The following SUPT3H variants were observed in gnomAD, a reference collection of about 807,000 sequenced individuals.
The protein encoded by SUPT3H is transcription initiation protein SPT3 homolog.
SUPT3H carries 44 observed loss-of-function variants against 44.3 expected under a neutral mutation model. The ratio of observed to expected loss-of-function variants is 0.99; its 90% CI spans 0.78 to 1.28. The LOEUF (loss-of-function observed/expected upper bound fraction) is 1.28. Among genes scored for constraint, SUPT3H ranks in the 50% most tolerant of loss-of-function variants. The pLI is 0.00. For synonymous variants in SUPT3H, 124 were observed against 125.6 expected (o/e 0.99, Z 0.09); for missense variants, 380 against 387.1 (o/e 0.98, Z 0.15).
intron 2 of SUPT3H, among the ~76,000 whole-genome samples, chr6:45,258,118 AGAT>A (rs1773717257): frequency 6.6e-6 from 1 of 152,226 alleles, no homozygotes; most frequent in Non-Finnish European, 1.5e-5. Flanking sequence ...TTTCTGAAAT[AGAT>A]GATTCTGACG....
At chr6:45,217,301 C>G (rs906196119) in intron 2 of SUPT3H, among the ~76,000 whole-genome samples, 1 of 151,126 alleles carries the variant, frequency 6.6e-6, no homozygotes, top group Non-Finnish European at 1.5e-5. Flanking sequence ...ATGATGAAAC[C>G]CCATCTCTAC....
intron 2 of SUPT3H, among the ~76,000 whole-genome samples, chr6:45,300,362 A>G (rs1781956335): frequency 6.6e-6 from 1 of 152,226 alleles, no homozygotes; most frequent in Non-Finnish European, 1.5e-5. Flanking sequence ...GAGTTAGTTC[A>G]ATTTGAAAGA....
At chr6:45,210,922 G>A (rs1584274322) in intron 2 of SUPT3H, among the ~76,000 whole-genome samples, 2 of 152,046 alleles carry the variant, frequency 1.3e-5, no homozygotes. Context: ...TACAAGAATG[G>A]AAAAGAGAAG....
chr6:45,035,317 T>C (rs954009487), intron 3 of SUPT3H, among the ~76,000 whole-genome samples: 1 of 152,200 alleles, frequency 6.6e-6, no homozygotes, highest in Non-Finnish European at 1.5e-5. Flanking sequence ...GATGTAATGA[T>C]ACCTGCACTT....
rs572160837 is a variant in SUPT3H, at chr6:44,940,026, T to A, written c.802-7263A>T. On this transcript the variant is annotated intron_variant, in intron 9 of 10. Transcript: ENST00000371459. ...TTTTAATTTCCTTGATCTTTTGTATTTTTTTTTGTCTTTATTTTTATTTAG... is the reference window on the plus strand; with the variant it reads ...TTTTAATTTCCTTGATCTTTTGTATATTTTTTTGTCTTTATTTTTATTTAG... 2.3e-4 allele frequency among the ~76,000 whole-genome samples: 34 copies of A among 150,284 alleles called. No individual in the cohort carries two copies. In the South Asian group the frequency reaches 6.0e-3, roughly 27 times the overall value.
chr6:45,241,354 C>T (rs946381773), intron 2 of SUPT3H, among the ~76,000 whole-genome samples: 2 of 152,150 alleles, frequency 1.3e-5, no homozygotes, highest in South Asian at 4.1e-4. Flanking sequence ...CTGGCCCACC[C>T]AGGGCAGAAA....
chr6:45,012,315 T>C (rs1783601061), intron 5 of SUPT3H, among the ~76,000 whole-genome samples: 1 of 151,990 alleles, frequency 6.6e-6, no homozygotes, highest in South Asian at 2.1e-4. Flanking sequence ...TTAATGGTGC[T>C]CTACATTTCT....
In SUPT3H at chr6:45,375,838, AC is replaced by A. The variant is rs562517737; in HGVS notation, c.-1+1929del. 2.0e-3 allele frequency among the ~76,000 whole-genome samples: 300 copies of A among 152,152 alleles called. 1 individual carries two copies. The highest frequency in any genetic ancestry group is 6.6e-3 in the African/African-American group (275 of 41,520). ...TATACACTTGCTTTAAAAAAAAAAA[AC>A]AGATGCACATATTTCAAGTAAAGTA... On this transcript the variant is annotated intron_variant, in intron 1 of 10. Coordinates refer to ENST00000371459, the MANE Select transcript of SUPT3H (RefSeq NM_003599.4).
intron 2 of SUPT3H, among the ~76,000 whole-genome samples, chr6:45,246,153 T>C (rs1205217712): frequency 6.6e-6 from 1 of 152,142 alleles, no homozygotes; most frequent in Admixed American, 6.5e-5. Flanking sequence ...TTGGGAGTTC[T>C]TTATGTATTC....
chr6:45,307,465 T>C (rs1421514215), intron 2 of SUPT3H, among the ~76,000 whole-genome samples: 3 of 152,252 alleles, frequency 2.0e-5, no homozygotes, highest in East Asian at 1.9e-4. Flanking sequence ...TTCAGCAATA[T>C]ACGCTGTTCT....
At chr6:45,260,394 C>G (rs2153657199) in intron 2 of SUPT3H, among the ~76,000 whole-genome samples, 1 of 148,258 alleles carries the variant, frequency 6.7e-6, no homozygotes, top group South Asian at 2.2e-4. Context: ...AAAGCTGCCA[C>G]CGTCACTGCA....
intron 2 of SUPT3H, among the ~76,000 whole-genome samples, chr6:45,162,033 A>G (rs1304642857): frequency 1.9e-5 from 1 of 52,556 alleles, no homozygotes; most frequent in African/African-American, 6.1e-5. Flanking sequence ...GAACATGTTT[A>G]AAAAAAAACA....
chr6:45,278,073 C>A (rs953711137), intron 2 of SUPT3H, among the ~76,000 whole-genome samples: 2 of 133,100 alleles, frequency 1.5e-5, no homozygotes, highest in Non-Finnish European at 3.1e-5. Flanking sequence ...GGGAGTTGAA[C>A]AATAACACAT....
rs189215729 is a variant in SUPT3H, at chr6:44,865,906, G to A, written c.913-36049C>T. On this transcript the variant is annotated intron_variant, in intron 10 of 10. Coordinates refer to ENST00000371459, the MANE Select transcript of SUPT3H (RefSeq NM_003599.4). ...GCCAAGGAGAGGACTCAAGATGGGG[G>A]AGACCTGAGTCTGCTAAAATACAGA... Among the ~76,000 whole-genome samples the A allele has an allele frequency of 1.3e-3, 201 of 152,298 alleles. 2 individuals are homozygous for A. The highest frequency in any genetic ancestry group is 4.5e-3 in the African/African-American group (188 of 41,556).
intron 2 of SUPT3H, among the ~76,000 whole-genome samples, chr6:45,289,662 C>A (rs1016320758): frequency 6.6e-6 from 1 of 152,070 alleles, no homozygotes; most frequent in African/African-American, 2.4e-5. Context: ...TATGCATAAA[C>A]CATTATTGCT....
At chr6:45,234,405 C>T (rs994972338) in intron 2 of SUPT3H, among the ~76,000 whole-genome samples, 1 of 151,870 alleles carries the variant, frequency 6.6e-6, no homozygotes, top group African/African-American at 2.4e-5. Flanking sequence ...GTGGTGGGCG[C>T]CTGCAATCCC....
intron 2 of SUPT3H, among the ~76,000 whole-genome samples, chr6:45,334,328 A>G (rs1788106040): frequency 6.6e-6 from 1 of 150,984 alleles, no homozygotes; most frequent in South Asian, 2.1e-4. Context: ...ACTAAGTTAA[A>G]ACTCAAGAAC....
chr6:44,870,108 G>A (rs1386402234), intron 10 of SUPT3H, among the ~76,000 whole-genome samples: 2 of 152,040 alleles, frequency 1.3e-5, no homozygotes, highest in African/African-American at 4.8e-5. Context: ...TTCCCAACCT[G>A]GTCCTTTTTA....
chr6:44,870,800 G>GCGAGC (rs1479490839), intron 10 of SUPT3H, among the ~76,000 whole-genome samples: 1 of 150,922 alleles, frequency 6.6e-6, no homozygotes, highest in Non-Finnish European at 1.5e-5. Flanking sequence ...CGCACCCTGC[G>GCGAGC]CGAGCTGAAG....
Sources: allele counts gnomAD v4.1 joint callset (sites outside exome capture counted in the v4.1 genomes callset), GRCh38; gene constraint gnomAD v4.1.1; transcripts MANE v1.5; gene names NCBI Gene and HGNC (gene_info 2026-07-23, HGNC 2026-07-21).